The following LZTR1 variants were observed in gnomAD, a reference collection of about 807,000 sequenced individuals.
LZTR1 encodes leucine-zipper-like transcriptional regulator 1.
Under a neutral mutation model 105.7 loss-of-function variants are expected in LZTR1, and 260 were observed. That is an observed-to-expected ratio of 2.46 (90% CI 2.22 to 2.72). The LOEUF is 2.72. Ranked by LOEUF, LZTR1 falls within the 30% of genes most tolerant of loss-of-function variation. LZTR1 has a pLI of 0.00. For synonymous variants in LZTR1, 490 were observed against 476.4 expected (o/e 1.03, Z -0.37); for missense variants, 1,214 against 1,166.9 (o/e 1.04, Z -0.59).
rs1326197356 is a variant in LZTR1, at chr22:20,995,143, G to A, written c.1942+117G>A. 41 of 1,174,542 alleles carry A rather than the reference G, an allele frequency of 3.5e-5. No individual in the cohort carries two copies. In the East Asian group the frequency reaches 8.8e-4, roughly 25 times the overall value. 72.8% of individuals were successfully genotyped at this position (1,174,542 alleles called of 1,614,324 possible). On this transcript the variant is annotated intron_variant, in intron 16 of 20. Coordinates refer to ENST00000646124, the MANE Select transcript of LZTR1 (RefSeq NM_006767.4). ...CCCTCGGGGTGGGGGTGGGTGCCAT[G>A]GGACCCCAGAGTGCTCTCCTGGGTA...
At position 20,987,022 on chromosome 22, in the gene LZTR1, C is replaced by T. The variant is rs1463968134; in HGVS notation, c.321-482C>T. The T allele has an allele frequency of 3.3e-5, 5 of 152,074 alleles. No homozygotes were observed. In the East Asian group the frequency reaches 9.6e-4, roughly 29 times the overall value. The allele number at this position is 152,074 out of a possible 1,614,324, so 9.4% of individuals were successfully genotyped here. The stretch of plus-strand genomic sequence containing the variant: ...ATGGGAATTTGCATGAGCTTTAGTG[C>T]CTATTTTGTTTTTTCCTTATTGGTG... On this transcript the variant is annotated intron_variant, in intron 3 of 20. Transcript: ENST00000646124.
At chr22:20,983,228 T>A in intron 2 of LZTR1, 139 bp downstream of exon 2, 1 of 727,210 alleles carries the variant, frequency 1.4e-6, no homozygotes, top group Admixed American at 2.1e-5. Context: ...TCTGTGAGAT[T>A]CCTTGCACTC....
intron 3 of LZTR1, 190 bp downstream of exon 3, chr22:20,986,087 A>C (rs1601715970): frequency 1.6e-6 from 1 of 613,158 alleles, no homozygotes. Context: ...TCAAGTAACC[A>C]CCCCGCACCT....
Position 20,995,764 on chromosome 22 carries a change from A to G in LZTR1, c.1961A>G (p.Asp654Gly). The G allele has an allele frequency of 1.9e-6, 3 of 1,613,562 alleles. No homozygotes were observed. Among genetic ancestry groups the G allele is most frequent in the Non-Finnish European group, 2.5e-6 (3 of 1,179,984 alleles). ...CCCCCAGGCACATCTCTGATCCAGGACATGAAGGCATACCTGGAGGGAGCG... is the reference window on the plus strand; with the variant it reads ...CCCCCAGGCACATCTCTGATCCAGGGCATGAAGGCATACCTGGAGGGAGCG... Reference protein sequence around the residue: ...PVDIGTSLIQDMKAYLEGAGA... With the variant: ...PVDIGTSLIQGMKAYLEGAGA... Residue 654 changes from aspartate to glycine, a missense_variant, in exon 17 of 21, where the codon GAC (aspartate) becomes GGC (glycine). By Grantham distance (94) the Asp-to-Gly change is moderately conservative (BLOSUM62 -1). Coordinates refer to ENST00000646124, the MANE Select transcript of LZTR1 (RefSeq NM_006767.4).
Position 20,983,066 on chromosome 22 carries a change from T to G in LZTR1, c.240T>G (p.Ile80Met), listed in dbSNP as rs755907531. The G allele has an allele frequency of 6.2e-7, 1 of 1,614,046 alleles. No individual in the cohort carries two copies. Among genetic ancestry groups the G allele is most frequent in the East Asian group, 2.2e-5 (1 of 44,884 alleles). ...KHTVVAYKDA[I>M]YVFGGDNGKT... ...CAGTGGTGGCCTATAAAGATGCCAT[T>G]TATGTATTTGGTGGAGACAATGGGT... The change falls in exon 2 of 21, where the codon ATT (isoleucine) becomes ATG (methionine). Residue 80 changes from isoleucine to methionine, a missense_variant. Ile to Met is a conservative substitution (Grantham distance 10). Coordinates refer to ENST00000646124, the MANE Select transcript of LZTR1 (RefSeq NM_006767.4).
intron 8 of LZTR1, chr22:20,990,988 G>A (rs1434319388): frequency 1.2e-5 from 2 of 166,918 alleles, no homozygotes; most frequent in African/African-American, 4.8e-5. Flanking sequence ...GGTTTGGGAA[G>A]GGACTTGGGA....
intron 20 of LZTR1, 61 bp from the exon 21 acceptor site, chr22:20,997,171 T>C: frequency 1.6e-6 from 2 of 1,256,946 alleles, no homozygotes; most frequent in East Asian, 4.6e-5. Flanking sequence ...AGGGCTCCAC[T>C]GCCCACCATG....
intron 6 of LZTR1, among the ~76,000 whole-genome samples, chr22:20,989,084 C>T (rs1445377311): frequency 6.6e-6 from 1 of 152,120 alleles, no homozygotes; most frequent in Non-Finnish European, 1.5e-5. Flanking sequence ...CCCGTGGCTA[C>T]CAGAGTAGCT....
At chr22:20,995,452 A>G (rs755332805) in intron 16 of LZTR1, 7 of 640,542 alleles carry the variant, frequency 1.1e-5, no homozygotes, top group East Asian at 6.7e-5. Flanking sequence ...ACCAGAGGCC[A>G]TGCAGTGGGC....
rs776186070 is a variant in LZTR1 at position 20,996,957 on chromosome 22, G to A, written c.2397G>A (p.Gln799=). The A allele has an allele frequency of 6.2e-7, 1 of 1,613,688 alleles. No individual in the cohort carries two copies. Among genetic ancestry groups the A allele is most frequent in the East Asian group, 2.2e-5 (1 of 44,886 alleles). Residue 799 remains glutamine (Q), a synonymous_variant, in exon 20 of 21, where the codon CAG becomes CAA. Coordinates refer to ENST00000646124, the MANE Select transcript of LZTR1 (RefSeq NM_006767.4). ...ACTGCCTGCACATCATTGTGCACCA[G>A]TTCACCAAGGTCAGGGCTCTGGCCT... is the stretch of plus-strand genomic sequence containing the variant. ...KRHCLHIIVH[Q]FTKVSKLPTL... is the part of the protein sequence containing the mutation.
intron 5 of LZTR1, 134 bp from the exon 6 acceptor site, chr22:20,988,655 G>A: frequency 1.5e-6 from 1 of 674,346 alleles, no homozygotes; most frequent in South Asian, 1.7e-5. Flanking sequence ...GCCTTGTGGA[G>A]GTCCTGAAGC....
rs1423756155 is a variant in LZTR1, at chr22:20,990,456, T to G, written c.722T>G (p.Phe241Cys). ...GTGGCTGTGTGCCGGGACAAGATGT[T>G]TGTATTCTCTGGGCAAAGCGGAGCC... ...FPVAVCRDKM[F>C]VFSGQSGAKI... Residue 241 changes from phenylalanine (F) to cysteine (C), a missense_variant, in exon 8 of 21, where the codon TTT (phenylalanine) becomes TGT (cysteine). Coordinates refer to ENST00000646124, the MANE Select transcript of LZTR1 (RefSeq NM_006767.4). 1 of 1,614,080 alleles carries G rather than the reference T, an allele frequency of 6.2e-7. No individual in the cohort carries two copies. The highest frequency in any genetic ancestry group is 8.5e-7 in the Non-Finnish European group (1 of 1,180,010).
In LZTR1 at chr22:20,994,681, T is replaced by C. The variant is rs1555928697; in HGVS notation, c.1739T>C (p.Leu580Pro). The C allele has an allele frequency of 6.2e-7, 1 of 1,612,926 alleles. No homozygotes were observed. The highest frequency in any genetic ancestry group is 8.5e-7 in the Non-Finnish European group (1 of 1,179,980). Residue 580 changes from leucine to proline, a missense_variant, in exon 15 of 21, where the codon CTG becomes CCG. Coordinates refer to ENST00000646124, the MANE Select transcript of LZTR1 (RefSeq NM_006767.4). ...IEASVDLQNV[L>P]VVCESAARLQ... ...GCCTCCGTGGACCTGCAGAACGTGC[T>C]GGTTGTGTGCGAGAGTGCCGCCCGG...
intron 16 of LZTR1, 152 bp from the exon 17 acceptor site, chr22:20,995,593 TG>T: frequency 1.1e-6 from 1 of 911,220 alleles, no homozygotes; most frequent in Non-Finnish European, 1.8e-6. Flanking sequence ...GGACAGAATG[TG>T]GCTGATGGTA....
chr22:20,991,379 G>C (rs1924598972), intron 8 of LZTR1: 1 of 549,226 alleles, frequency 1.8e-6, no homozygotes, highest in Non-Finnish European at 3.2e-6. Context: ...ACTGCTGCCT[G>C]CTCCATGGGG....
At chr22:20,990,964 C>T (rs1924587891) in intron 8 of LZTR1, 1 of 169,968 alleles carries the variant, frequency 5.9e-6, no homozygotes, top group Non-Finnish European at 1.3e-5. Flanking sequence ...GGAGTGTGAG[C>T]TGCAGGTACA....
chr22:20,988,864 C>T lies in LZTR1; in HGVS notation c.585C>T (p.Gly195=), dbSNP rs751487993. 6.2e-7 allele frequency: 1 copy of T among 1,613,962 alleles called. No homozygotes were observed. Among genetic ancestry groups the T allele is most frequent in the Admixed American group, 1.7e-5 (1 of 60,028 alleles). Residue 195 remains glycine (G), a synonymous_variant, in exon 6 of 21, where the codon GGC becomes GGT. Coordinates refer to ENST00000646124, the MANE Select transcript of LZTR1 (RefSeq NM_006767.4). ...TGTGGATCTTTGCTGGCTATGACGG[C>T]AACGCCAGGTGGGTGGTGGTCCGGC... ...DKLWIFAGYD[G]NARLNDMWTI...
Position 20,992,290 on chromosome 22 carries a change from G to A in LZTR1, c.1070G>A (p.Gly357Asp). 6.2e-7 allele frequency: 1 copy of A among 1,613,986 alleles called. No individual in the cohort carries two copies. Among genetic ancestry groups the A allele is most frequent in the Non-Finnish European group, 8.5e-7 (1 of 1,179,964 alleles). ...ACCCTGACCTATGAGGAGCGGGTTGGCTTCAAGAAGTCCCGAGATGTGTTT... is the reference window on the plus strand; with the variant it reads ...ACCCTGACCTATGAGGAGCGGGTTGACTTCAAGAAGTCCCGAGATGTGTTT... ...VPTLTYEERV[G>D]FKKSRDVFGL... Residue 357 changes from glycine to aspartate, a missense_variant, in exon 10 of 21, where the codon GGC (glycine) becomes GAC (aspartate). Transcript: ENST00000646124.
intron 9 of LZTR1, 77 bp downstream of exon 9, chr22:20,991,906 C>T: frequency 7.2e-7 from 1 of 1,382,384 alleles, no homozygotes; most frequent in Non-Finnish European, 9.8e-7. Context: ...CAGCTCCTCA[C>T]AGCTTTGGGG....
Sources: allele counts gnomAD v4.1 joint callset (sites outside exome capture counted in the v4.1 genomes callset), GRCh38; gene constraint gnomAD v4.1.1; transcripts MANE v1.5; gene names NCBI Gene and HGNC (gene_info 2026-07-23, HGNC 2026-07-21).